Variants in KCNN3 observed in about 807,000 individuals in gnomAD.
The protein encoded by KCNN3 is potassium calcium-activated channel subfamily N member 3, also known as small conductance calcium-activated potassium channel protein 3.
KCNN3 carries 16 observed loss-of-function variants against 62.9 expected under a neutral mutation model. The ratio of observed to expected loss-of-function variants is 0.25; its 90% confidence interval spans 0.17 to 0.39. KCNN3 has a LOEUF of 0.39. Ranked by LOEUF, KCNN3 falls within the 10% of genes least tolerant of loss-of-function variation. The probability of loss-of-function intolerance (pLI) is 1.00; values close to 1 mark genes in which losing one functional copy is unlikely to be tolerated. For missense variants in KCNN3, 599 were observed against 949.4 expected, an observed-to-expected ratio of 0.63 and a Z score of 4.85; for synonymous variants, 370 against 389.2, an observed-to-expected ratio of 0.95 and a Z score of 0.58.
chr1:154,763,873 T>C lies in KCNN3; in HGVS notation c.1448+8102A>G, dbSNP rs1326027979. 2.3e-4 allele frequency among the ~76,000 whole-genome samples: 35 copies of C among 152,244 alleles called. 1 individual carries two copies. Among genetic ancestry groups the C allele is most frequent in the Non-Finnish European group, 1.5e-5 (1 of 68,048 alleles). On this transcript the variant is annotated intron_variant, in intron 3 of 7. Coordinates refer to ENST00000271915, the MANE Select transcript of KCNN3 (RefSeq NM_002249.6). Reference sequence around the variant, plus strand: ...ACAAAGTGCTCAATTAATTTAAACATTTAAAAATTCAGATTATCAATCTCA... The same window carrying C: ...ACAAAGTGCTCAATTAATTTAAACACTTAAAAATTCAGATTATCAATCTCA...
intron 3 of KCNN3, among the ~76,000 whole-genome samples, chr1:154,759,700 C>T (rs980581185): frequency 6.6e-6 from 1 of 152,144 alleles, no homozygotes; most frequent in Non-Finnish European, 1.5e-5. Flanking sequence ...AAGAAGGAAC[C>T]CTGGCATTTA....
At chr1:154,843,719 C>T (rs1651927842) in intron 1 of KCNN3, among the ~76,000 whole-genome samples, 1 of 152,158 alleles carries the variant, frequency 6.6e-6, no homozygotes, top group Non-Finnish European at 1.5e-5. Flanking sequence ...GAGTTCTCTC[C>T]CGGAGACTCC....
chr1:154,861,047 C>T (rs1038465501), intron 1 of KCNN3, among the ~76,000 whole-genome samples: 13 of 151,398 alleles, frequency 8.6e-5, no homozygotes, highest in African/African-American at 2.9e-4. Context: ...CTCCGCCTCC[C>T]GGGTTCAAGC....
At chr1:154,766,923 T>C (rs1973550) in intron 3 of KCNN3, among the ~76,000 whole-genome samples, 113,886 of 151,850 alleles carry the variant, frequency 0.75, 43,190 homozygotes, top group Admixed American at 0.85. Flanking sequence ...CCTCGTGATC[T>C]GCCCGCCTCG....
chr1:154,750,369 G>C (rs1331309631), intron 3 of KCNN3, among the ~76,000 whole-genome samples: 1 of 152,218 alleles, frequency 6.6e-6, no homozygotes, highest in Non-Finnish European at 1.5e-5. Context: ...GATATGAAGA[G>C]ACAGATTGCC....
intron 5 of KCNN3, among the ~76,000 whole-genome samples, chr1:154,716,182 T>C (rs1700230998): frequency 6.6e-6 from 1 of 152,256 alleles, no homozygotes; most frequent in Non-Finnish European, 1.5e-5. Flanking sequence ...GACATATCAA[T>C]GGCATCCAGA....
At chr1:154,774,072 T>C (rs986581550) in intron 2 of KCNN3, among the ~76,000 whole-genome samples, 5 of 152,322 alleles carry the variant, frequency 3.3e-5, no homozygotes, top group African/African-American at 1.2e-4. Flanking sequence ...GGGATGATGA[T>C]AATAACTGCT....
chr1:154,817,437 A>C (rs937869412), intron 2 of KCNN3, among the ~76,000 whole-genome samples: 1 of 152,256 alleles, frequency 6.6e-6, no homozygotes, highest in Non-Finnish European at 1.5e-5. Context: ...AACTGGGTTA[A>C]TCGGAAGTCA....
intron 1 of KCNN3, among the ~76,000 whole-genome samples, chr1:154,865,987 A>G (rs753844272): frequency 6.6e-6 from 1 of 152,056 alleles, no homozygotes; most frequent in Non-Finnish European, 1.5e-5. Context: ...AGGCACACAA[A>G]GCTCTCCAGC....
intron 1 of KCNN3, among the ~76,000 whole-genome samples, chr1:154,847,208 C>A (rs11576820): frequency 3.3e-5 from 5 of 151,748 alleles, no homozygotes; most frequent in South Asian, 2.1e-4. Flanking sequence ...CTCACTACCC[C>A]CCCCTGCCCT....
Position 154,870,047 on chromosome 1 carries a change from A to G in KCNN3, c.-83T>C. ...TCCAAAGATGTCCTCAAAGAAAGCC[A>G]GGCATCCAATCTCCCCCACCAGTAT... On this transcript the variant is annotated 5_prime_UTR_variant, in exon 1 of 8. Transcript: ENST00000271915. 1.3e-6 allele frequency: 2 copies of G among 1,484,152 alleles called. No individual in the cohort carries two copies. The highest frequency in any genetic ancestry group is 1.8e-6 in the Non-Finnish European group (2 of 1,083,104). 91.9% of individuals were successfully genotyped at this position (1,484,152 alleles called of 1,614,324 possible). A position where few individuals can be genotyped will look rare whatever the true frequency, so the allele number is the denominator to read the frequency against.
chr1:154,763,325 T>C (rs933755677), intron 3 of KCNN3, among the ~76,000 whole-genome samples: 1 of 152,170 alleles, frequency 6.6e-6, no homozygotes, highest in Admixed American at 6.5e-5. Context: ...CTGAGGTTTG[T>C]TTTGTTCTTC....
rs1558012336 is a variant in KCNN3, at chr1:154,862,743, C to G, written c.933+6289G>C. Reference sequence around the variant, plus strand: ...ACTTGCCCTGGCCACCCCTCCAGCACTGTCTTCTCCAGGACCTGCGCCAGC... The same window carrying G: ...ACTTGCCCTGGCCACCCCTCCAGCAGTGTCTTCTCCAGGACCTGCGCCAGC... On this transcript the variant is annotated intron_variant, in intron 1 of 7. Transcript: ENST00000271915. The surrounding 1 kb of genome is among the most constrained non-coding windows in gnomAD (Gnocchi z 4.1). Among the ~76,000 whole-genome samples, 1 of 152,170 alleles carries G rather than the reference C, an allele frequency of 6.6e-6. No individual in the cohort carries two copies. The highest frequency in any genetic ancestry group is 1.5e-5 in the Non-Finnish European group (1 of 68,026).
intron 2 of KCNN3, among the ~76,000 whole-genome samples, chr1:154,800,193 T>C (rs1238459201): frequency 6.6e-6 from 1 of 152,212 alleles, no homozygotes; most frequent in Non-Finnish European, 1.5e-5. Context: ...GCAGCTCACT[T>C]GGAAATAAAG....
At chr1:154,798,915 CATT>C (rs1649841925) in intron 2 of KCNN3, among the ~76,000 whole-genome samples, 1 of 96,502 alleles carries the variant, frequency 1.0e-5, no homozygotes, top group Admixed American at 1.5e-4. Context: ...ACACTTATTG[CATT>C]TTTTTTTTTT....
chr1:154,737,155 A>G, intron 3 of KCNN3: 1 of 439,102 alleles, frequency 2.3e-6, no homozygotes, highest in Non-Finnish European at 4.5e-6. Context: ...CGGTTTACAC[A>G]TGTCACAAAC....
intron 1 of KCNN3, among the ~76,000 whole-genome samples, chr1:154,833,205 T>A (rs1651442942): frequency 6.6e-6 from 1 of 152,192 alleles, no homozygotes; most frequent in Non-Finnish European, 1.5e-5. Flanking sequence ...ACCCACCTGA[T>A]GCTCAGAGGC....
At chr1:154,825,166 T>C (rs1354001191) in intron 1 of KCNN3, among the ~76,000 whole-genome samples, 5 of 152,148 alleles carry the variant, frequency 3.3e-5, no homozygotes, top group African/African-American at 1.2e-4. Flanking sequence ...CTGCCATACA[T>C]CCCAGGATAG....
chr1:154,835,498 C>A (rs1382332182), intron 1 of KCNN3, among the ~76,000 whole-genome samples: 1 of 152,190 alleles, frequency 6.6e-6, no homozygotes, highest in Non-Finnish European at 1.5e-5. Flanking sequence ...CATCATTCTG[C>A]TGGATCAAAG....
Sources: allele counts gnomAD v4.1 joint callset (sites outside exome capture counted in the v4.1 genomes callset), GRCh38; gene constraint gnomAD v4.1.1; non-coding constraint Gnocchi (gnomAD v3.1); transcripts MANE v1.5; gene names NCBI Gene and HGNC (gene_info 2026-07-23, HGNC 2026-07-21).